GRID1: variants seen among roughly 807,000 people sequenced by gnomAD.
GRID1 encodes the protein glutamate ionotropic receptor delta type subunit 1.
Under a neutral mutation model 98.0 loss-of-function variants are expected in GRID1, and 28 were observed. The observed-to-expected ratio is 0.29, with a 90% CI of 0.21 to 0.39. The LOEUF (loss-of-function observed/expected upper bound fraction) is 0.39, where lower values mean the gene tolerates loss of function less well. GRID1 is among the 10% of genes least tolerant of loss of function. GRID1 has a pLI of 1.00. For synonymous variants in GRID1, 553 were observed against 538.5 expected (o/e 1.03, Z -0.37); for missense variants, 1,111 against 1,340.5 (o/e 0.83, Z 2.67).
intron 4 of GRID1, among the ~76,000 whole-genome samples, chr10:85,996,944 C>A (rs1006372319): frequency 6.6e-6 from 1 of 151,688 alleles, no homozygotes; most frequent in African/African-American, 2.4e-5. Context: ...AGAAGTTCTG[C>A]AAACCCAAAC....
At chr10:85,838,558 C>G (rs1842932640) in intron 8 of GRID1, among the ~76,000 whole-genome samples, 1 of 152,134 alleles carries the variant, frequency 6.6e-6, no homozygotes, top group Admixed American at 6.5e-5. Context: ...TCCAGCCAAA[C>G]TAAGCTTCAT....
At chr10:86,075,923 C>A (rs1222552245) in intron 4 of GRID1, among the ~76,000 whole-genome samples, 1 of 152,250 alleles carries the variant, frequency 6.6e-6, no homozygotes, top group Non-Finnish European at 1.5e-5. Flanking sequence ...TGTCTTGACT[C>A]TCCCCACGGA....
At position 86,265,675 on chromosome 10, in the gene GRID1, T is replaced by C. The variant is rs147197225; in HGVS notation, c.236-59027A>G. ...GAGGGCTGAGCCCCTCAGGGGATGG[T>C]TTCTGCAAGTTCTGTTCAGGGATCT... is the stretch of plus-strand genomic sequence containing the variant. On this transcript the variant is annotated intron_variant, in intron 2 of 15. Transcript: ENST00000327946. Among the ~76,000 whole-genome samples, 1,205 of 152,316 alleles carry C rather than the reference T, an allele frequency of 7.9e-3. 12 individuals carry two copies. The highest frequency in any genetic ancestry group is 0.012 in the Non-Finnish European group (822 of 68,022).
chr10:85,903,917 A>C (rs1215426361), intron 5 of GRID1, among the ~76,000 whole-genome samples: 1 of 152,146 alleles, frequency 6.6e-6, no homozygotes, highest in Non-Finnish European at 1.5e-5. Flanking sequence ...TAGATTTCTC[A>C]TGGGCACCCT....
chr10:86,075,147 G>A lies in GRID1; in HGVS notation c.726+63672C>T, dbSNP rs550673301. On this transcript the variant is annotated intron_variant, in intron 4 of 15. Transcript: ENST00000327946. ...TCCTCGTTTGTCACTGTCCCACCCT[G>A]CCAGTTTGACTCAGTATGAGTTGAA... Among the ~76,000 whole-genome samples the A allele has an allele frequency of 3.5e-3, 515 of 146,418 alleles. 4 individuals carry two copies. The highest frequency in any genetic ancestry group is 0.012 in the African/African-American group (489 of 39,254).
At chr10:85,921,324 G>A (rs1173215664) in intron 4 of GRID1, among the ~76,000 whole-genome samples, 3 of 152,212 alleles carry the variant, frequency 2.0e-5, no homozygotes, top group Non-Finnish European at 2.9e-5. Context: ...AAGGCCGAAG[G>A]CAGCTGTTCT....
At chr10:86,083,547 G>A (rs1844008008) in intron 4 of GRID1, among the ~76,000 whole-genome samples, 1 of 152,218 alleles carries the variant, frequency 6.6e-6, no homozygotes. Flanking sequence ...ATTGCACGAA[G>A]CGATGGGGAA....
intron 12 of GRID1, among the ~76,000 whole-genome samples, chr10:85,696,878 C>G (rs544573615): frequency 6.6e-6 from 1 of 151,940 alleles, no homozygotes; most frequent in Non-Finnish European, 1.5e-5. Flanking sequence ...TAATATTTAG[C>G]TAATACTTCA....
chr10:86,047,801 T>C (rs1589350599), intron 4 of GRID1, among the ~76,000 whole-genome samples: 1 of 152,178 alleles, frequency 6.6e-6, no homozygotes, highest in Non-Finnish European at 1.5e-5. Flanking sequence ...TCTAATTAGA[T>C]AGAAACAACC....
intron 8 of GRID1, among the ~76,000 whole-genome samples, chr10:85,813,577 CA>C (rs1196514815): frequency 6.6e-6 from 1 of 151,614 alleles, no homozygotes; most frequent in Non-Finnish European, 1.5e-5. Flanking sequence ...AGTTTTACAG[CA>C]GGCCTACAAT....
chr10:85,842,249 T>C (rs1842967491), intron 8 of GRID1, among the ~76,000 whole-genome samples: 1 of 152,006 alleles, frequency 6.6e-6, no homozygotes, highest in Non-Finnish European at 1.5e-5. Context: ...TGTTCTCACT[T>C]ATAAGTGGCA....
At chr10:85,719,018 C>T (rs1170507066) in intron 12 of GRID1, among the ~76,000 whole-genome samples, 1 of 152,182 alleles carries the variant, frequency 6.6e-6, no homozygotes, top group Non-Finnish European at 1.5e-5. Flanking sequence ...ATTTCCTCCA[C>T]CAGATGCCCT....
chr10:85,661,999 T>C (rs1840970244), intron 12 of GRID1, among the ~76,000 whole-genome samples: 1 of 152,202 alleles, frequency 6.6e-6, no homozygotes, highest in African/African-American at 2.4e-5. Flanking sequence ...AGGTTCTCCC[T>C]GGAATGGTTT....
At chr10:86,068,355 CA>C (rs1843749555) in intron 4 of GRID1, among the ~76,000 whole-genome samples, 1 of 152,172 alleles carries the variant, frequency 6.6e-6, no homozygotes, top group East Asian at 1.9e-4. Flanking sequence ...AAATATATAC[CA>C]GACTGAAAGC....
intron 12 of GRID1, among the ~76,000 whole-genome samples, chr10:85,707,550 T>C (rs566761057): frequency 2.0e-5 from 3 of 152,352 alleles, no homozygotes; most frequent in Admixed American, 1.3e-4. Flanking sequence ...TGGAAGTCAG[T>C]GTGGCCATTC....
chr10:86,172,616 G>T (rs986128824), intron 3 of GRID1, among the ~76,000 whole-genome samples: 2 of 152,188 alleles, frequency 1.3e-5, no homozygotes, highest in East Asian at 1.9e-4. Context: ...TTTTGCAGAA[G>T]TATCCAGGGA....
intron 4 of GRID1, among the ~76,000 whole-genome samples, chr10:86,026,109 T>C (rs1404381007): frequency 1.3e-5 from 2 of 152,232 alleles, no homozygotes; most frequent in Non-Finnish European, 2.9e-5. Flanking sequence ...GTTTTGATGA[T>C]AATTCGCTCC....
chr10:85,736,552 T>C (rs1210129049), intron 8 of GRID1, among the ~76,000 whole-genome samples: 1 of 152,190 alleles, frequency 6.6e-6, no homozygotes, highest in Admixed American at 6.5e-5. Context: ...GTGACTGCCA[T>C]GATCTGAGTG....
At chr10:86,301,645 C>T (rs986099139) in intron 2 of GRID1, among the ~76,000 whole-genome samples, 3 of 152,144 alleles carry the variant, frequency 2.0e-5, no homozygotes, top group Admixed American at 6.6e-5. Flanking sequence ...CCCCAAGGCC[C>T]GAGAATGAGA....
Sources: allele counts gnomAD v4.1 joint callset (sites outside exome capture counted in the v4.1 genomes callset), GRCh38; gene constraint gnomAD v4.1.1; transcripts MANE v1.5; gene names NCBI Gene and HGNC (gene_info 2026-07-23, HGNC 2026-07-21).